Variants in LRRC7 observed in about 807,000 individuals in gnomAD.
LRRC7 encodes leucine-rich repeat-containing protein 7.
LRRC7 carries 23 observed loss-of-function variants against 175.7 expected under a neutral mutation model. The ratio of observed to expected loss-of-function variants is 0.13; its 90% CI spans 0.09 to 0.19. The LOEUF is 0.19. LRRC7 is among the 10% of genes least tolerant of loss of function. The pLI is 1.00. For missense variants in LRRC7, 1,354 were observed against 1,904.7 expected, an observed-to-expected ratio of 0.71 and a Z score of 5.38; for synonymous variants, 685 against 680.9, an observed-to-expected ratio of 1.01 and a Z score of -0.09.
chr1:69,984,149 C>G (rs1312579538), intron 9 of LRRC7, among the ~76,000 whole-genome samples: 1 of 152,150 alleles, frequency 6.6e-6, no homozygotes, highest in Non-Finnish European at 1.5e-5. Context: ...TGGTCTCAAA[C>G]TCCTGATCTC....
chr1:69,781,856 A>AG (rs1443154850), intron 3 of LRRC7, among the ~76,000 whole-genome samples: 9 of 109,588 alleles, frequency 8.2e-5, no homozygotes, highest in East Asian at 3.2e-4. Context: ...GGAGAGAAAG[A>AG]AAGAGAAGGA....
intron 4 of LRRC7, among the ~76,000 whole-genome samples, chr1:69,796,902 C>T (rs1675852922): frequency 6.6e-6 from 1 of 151,902 alleles, no homozygotes; most frequent in African/African-American, 2.4e-5. Flanking sequence ...ATTCCTTCTT[C>T]CTCTGTGATA....
chr1:69,701,369 C>A (rs1208966292), intron 2 of LRRC7, among the ~76,000 whole-genome samples: 3 of 152,114 alleles, frequency 2.0e-5, no homozygotes, highest in African/African-American at 7.2e-5. Context: ...GGTGGAAACA[C>A]GGACTGTGAT....
At chr1:69,736,152 C>T (rs1668095399) in intron 2 of LRRC7, among the ~76,000 whole-genome samples, 1 of 151,850 alleles carries the variant, frequency 6.6e-6, no homozygotes, top group Non-Finnish European at 1.5e-5. Context: ...TTTCCCTTTC[C>T]AAAAATAACA....
intron 4 of LRRC7, among the ~76,000 whole-genome samples, chr1:69,812,244 T>G (rs1231653800): frequency 6.6e-6 from 1 of 152,122 alleles, no homozygotes; most frequent in African/African-American, 2.4e-5. Context: ...TAGCTAAAAC[T>G]TATATCCCAA....
intron 8 of LRRC7, among the ~76,000 whole-genome samples, chr1:69,944,548 G>A (rs909657928): frequency 6.6e-6 from 1 of 152,002 alleles, no homozygotes; most frequent in Non-Finnish European, 1.5e-5. Flanking sequence ...GGATCATATA[G>A]TAGTTTTATT....
At chr1:69,675,827 T>C (rs1042097906) in intron 1 of LRRC7, among the ~76,000 whole-genome samples, 4 of 152,098 alleles carry the variant, frequency 2.6e-5, no homozygotes, top group Admixed American at 6.6e-5. Context: ...AAGCAATTTA[T>C]GTCTTCAATT....
intron 1 of LRRC7, among the ~76,000 whole-genome samples, chr1:69,576,328 C>T (rs1645949243): frequency 6.6e-6 from 1 of 151,856 alleles, no homozygotes; most frequent in Non-Finnish European, 1.5e-5. Flanking sequence ...TCTTCTGTTA[C>T]AAGACAAATT....
intron 2 of LRRC7, among the ~76,000 whole-genome samples, chr1:69,730,808 A>G (rs1277366148): frequency 6.6e-6 from 1 of 152,144 alleles, no homozygotes; most frequent in Non-Finnish European, 1.5e-5. Context: ...TTACTGTATT[A>G]GTCTGTTCTC....
intron 7 of LRRC7, among the ~76,000 whole-genome samples, chr1:69,887,175 A>G (rs1285584105): frequency 2.4e-5 from 3 of 123,144 alleles, no homozygotes; most frequent in Non-Finnish European, 5.0e-5. Flanking sequence ...GCCTTGCTAG[A>G]TTGGGGAAGT....
At chr1:70,052,686 T>C (rs1660836465) in intron 22 of LRRC7, among the ~76,000 whole-genome samples, 1 of 152,122 alleles carries the variant, frequency 6.6e-6, no homozygotes, top group Admixed American at 6.6e-5. Flanking sequence ...TATACTAAAA[T>C]TAAGCAAGTT....
intron 1 of LRRC7, among the ~76,000 whole-genome samples, chr1:69,666,648 T>C (rs1557570114): frequency 6.6e-6 from 1 of 152,228 alleles, no homozygotes; most frequent in East Asian, 1.9e-4. Flanking sequence ...ATTTCTGTAG[T>C]ATCAGTTGTA....
intron 1 of LRRC7, among the ~76,000 whole-genome samples, chr1:69,626,342 C>G (rs1307417415): frequency 7.0e-6 from 1 of 143,074 alleles, no homozygotes; most frequent in Non-Finnish European, 1.5e-5. Flanking sequence ...CCCCATATTT[C>G]TTTACTGCCT....
rs1666579024 is a variant in LRRC7 at position 70,129,453 on chromosome 1, C to G, written c.*7566C>G. On this transcript the variant is annotated 3_prime_UTR_variant, in exon 27 of 27. Transcript: ENST00000651989. ...AGGAAAGGAAATGAAGAAAGGTGTT[C>G]CTCAACTTGGTCCAGCACTGAGTCT... Among the ~76,000 whole-genome samples the G allele has an allele frequency of 6.6e-6, 1 of 152,100 alleles. No homozygotes were observed.
At chr1:69,688,207 A>G (rs945239338) in intron 2 of LRRC7, among the ~76,000 whole-genome samples, 1 of 152,342 alleles carries the variant, frequency 6.6e-6, no homozygotes, top group Non-Finnish European at 1.5e-5. Flanking sequence ...AGCTAAAAGA[A>G]GTAAGGAACA....
chr1:69,899,217 TTTGTATCATTGTGGTCACAAAA>T (rs1416237485), intron 7 of LRRC7, among the ~76,000 whole-genome samples: 1 of 152,226 alleles, frequency 6.6e-6, no homozygotes, highest in African/African-American at 2.4e-5. Flanking sequence ...TTGTTTTTAT[TTTGTATCATTGTGGTCACAAAA>T]AATCGTCAAT....
intron 7 of LRRC7, among the ~76,000 whole-genome samples, chr1:69,921,588 T>C (rs968985319): frequency 2.6e-5 from 4 of 152,176 alleles, no homozygotes; most frequent in African/African-American, 9.7e-5. Flanking sequence ...ATCTCTCCTA[T>C]CTGACATCAC....
chr1:70,135,938 A>G lies in LRRC7; in HGVS notation c.*14051A>G, dbSNP rs1039874431. Among the ~76,000 whole-genome samples the G allele has an allele frequency of 5.3e-5, 8 of 152,162 alleles. No individual in the cohort carries two copies. Among genetic ancestry groups the G allele is most frequent in the African/African-American group, 1.9e-4 (8 of 41,436 alleles). On this transcript the variant is annotated 3_prime_UTR_variant, in exon 27 of 27. Coordinates refer to ENST00000651989, the MANE Select transcript of LRRC7 (RefSeq NM_001370785.2). ...TGATCAAGACAGATATTCTAGCAGG[A>G]CATCACTGCTATATTCTTTATAAAA...
At chr1:69,700,893 T>G (rs1375262025) in intron 2 of LRRC7, among the ~76,000 whole-genome samples, 1 of 152,090 alleles carries the variant, frequency 6.6e-6, no homozygotes, top group Non-Finnish European at 1.5e-5. Context: ...TCAAGGCCAT[T>G]CCAGAAAGAA....
Sources: gnomAD v4.1 joint callset for allele counts (sites outside exome capture counted in the v4.1 genomes callset) on GRCh38, gnomAD v4.1.1 for gene constraint, MANE v1.5 for transcripts, NCBI Gene and HGNC (gene_info 2026-07-23, HGNC 2026-07-21) for gene names.